Variants in PRICKLE2 observed in about 807,000 individuals in gnomAD.
PRICKLE2 encodes prickle planar cell polarity protein 2, also known as prickle-like protein 2.
A neutral mutation model predicts 81.4 loss-of-function variants in PRICKLE2; 21 were observed. The observed-to-expected ratio is 0.26, with a 90% CI of 0.18 to 0.37. PRICKLE2 has a LOEUF of 0.37. PRICKLE2 is among the 10% of genes least tolerant of loss of function. PRICKLE2 has a pLI of 1.00. For missense variants in PRICKLE2, 940 were observed against 1,109.0 expected, an observed-to-expected ratio of 0.85 and a Z score of 2.16; for synonymous variants, 456 against 421.5, an observed-to-expected ratio of 1.08 and a Z score of -1.00.
chr3:64,204,622 G>T (rs987511429), intron 1 of PRICKLE2, among the ~76,000 whole-genome samples: 3 of 149,556 alleles, frequency 2.0e-5, no homozygotes, highest in African/African-American at 7.7e-5. Context: ...AACCAAGGAG[G>T]GGGGAAGAAA....
At chr3:64,105,288 C>G (rs550803380) in intron 7 of PRICKLE2, among the ~76,000 whole-genome samples, 2 of 152,256 alleles carry the variant, frequency 1.3e-5, no homozygotes, top group Non-Finnish European at 2.9e-5. Context: ...TTTTAAACTA[C>G]TCACCCTGAC....
upstream of PRICKLE2, among the ~76,000 whole-genome samples, chr3:64,229,867 G>C (rs970210649): frequency 5.9e-5 from 9 of 152,302 alleles, no homozygotes; most frequent in African/African-American, 1.9e-4. Flanking sequence ...ATGTAAGTTG[G>C]TCTAGCATAG....
intron 2 of PRICKLE2, among the ~76,000 whole-genome samples, chr3:64,265,372 A>G (rs537425135): frequency 9.2e-5 from 14 of 152,294 alleles, no homozygotes; most frequent in Non-Finnish European, 1.9e-4. Context: ...GCTAAAAAAA[A>G]TCATTCCCTC....
chr3:64,098,531 A>G lies in PRICKLE2; in HGVS notation c.*520T>C, dbSNP rs1011326979. 1 of 156,102 alleles carries G rather than the reference A, an allele frequency of 6.4e-6. No individual in the cohort carries two copies. The highest frequency in any genetic ancestry group is 1.4e-5 in the Non-Finnish European group (1 of 70,192). 9.7% of individuals were successfully genotyped at this position (156,102 alleles called of 1,614,324 possible). On this transcript the variant is annotated 3_prime_UTR_variant, in exon 8 of 8. Transcript: ENST00000638394. Reference sequence around the variant, plus strand: ...CCACATTTCAATACTACTCAGAGACAATGGTGGATGTGCATGCAAGTCCCC... The same window carrying G: ...CCACATTTCAATACTACTCAGAGACGATGGTGGATGTGCATGCAAGTCCCC...
intron 7 of PRICKLE2, among the ~76,000 whole-genome samples, chr3:64,130,267 T>C (rs537688936): frequency 1.8e-5 from 2 of 113,854 alleles, no homozygotes; most frequent in East Asian, 6.5e-4. Context: ...TTATGGCAAA[T>C]ACTTTTGAGT....
At chr3:64,150,325 GT>G (rs1559541501) in intron 6 of PRICKLE2, among the ~76,000 whole-genome samples, 1 of 151,962 alleles carries the variant, frequency 6.6e-6, no homozygotes, top group Non-Finnish European at 1.5e-5. Context: ...ATTTCTCTTT[GT>G]TTTGGTCTCC....
At chr3:64,168,779 A>G (rs1386110069) in intron 2 of PRICKLE2, among the ~76,000 whole-genome samples, 3 of 152,230 alleles carry the variant, frequency 2.0e-5, no homozygotes, top group African/African-American at 7.2e-5. Flanking sequence ...ACCCAGATAC[A>G]GTAGATTCCC....
chr3:64,245,153 C>T (rs747427507), intron 2 of PRICKLE2, among the ~76,000 whole-genome samples: 10 of 151,804 alleles, frequency 6.6e-5, no homozygotes, highest in African/African-American at 9.7e-5. Context: ...AATTTTTTTT[C>T]GATTTTTCCA....
intron 7 of PRICKLE2, among the ~76,000 whole-genome samples, chr3:64,120,363 T>C: frequency 6.6e-6 from 1 of 152,214 alleles, no homozygotes; most frequent in East Asian, 1.9e-4. Flanking sequence ...TAAAATGCAC[T>C]GGTGCTTCCG....
At chr3:64,127,722 C>T (rs571892145) in intron 7 of PRICKLE2, among the ~76,000 whole-genome samples, 1 of 151,828 alleles carries the variant, frequency 6.6e-6, no homozygotes, top group Non-Finnish European at 1.5e-5. Flanking sequence ...CCTGAGCCGT[C>T]AGCCCACGGT....
chr3:64,188,312 A>G (rs776751886), intron 2 of PRICKLE2, among the ~76,000 whole-genome samples: 1 of 152,232 alleles, frequency 6.6e-6, no homozygotes, highest in Non-Finnish European at 1.5e-5. Context: ...CCAAGGTTAC[A>G]GAGTTAAGTG....
At chr3:64,230,570 T>C (rs1392361183) in intron 2 of PRICKLE2, among the ~76,000 whole-genome samples, 1 of 152,212 alleles carries the variant, frequency 6.6e-6, no homozygotes, top group Admixed American at 6.5e-5. Flanking sequence ...AAAAGAGTTA[T>C]CCTCAACAGT....
chr3:64,206,121 A>G (rs753941299), intron 1 of PRICKLE2, among the ~76,000 whole-genome samples: 10 of 152,240 alleles, frequency 6.6e-5, no homozygotes, highest in Non-Finnish European at 1.0e-4. Flanking sequence ...GAGAAACTGT[A>G]TATCTGGTTG....
intron 7 of PRICKLE2, among the ~76,000 whole-genome samples, chr3:64,108,979 T>C (rs2076800199): frequency 6.6e-6 from 1 of 152,044 alleles, no homozygotes; most frequent in Non-Finnish European, 1.5e-5. Context: ...CTCCAAACAG[T>C]GCCAAATGTC....
intron 1 of PRICKLE2, chr3:64,200,345 T>C (rs939933360): frequency 1.3e-5 from 2 of 152,260 alleles, no homozygotes; most frequent in Non-Finnish European, 2.9e-5. Flanking sequence ...TGTATAGATA[T>C]ACCACATTTT....
At chr3:64,198,379 T>A (rs923869519) in intron 2 of PRICKLE2, among the ~76,000 whole-genome samples, 1 of 152,130 alleles carries the variant, frequency 6.6e-6, no homozygotes, top group African/African-American at 2.4e-5. Context: ...CACTTCAGAT[T>A]CTGGCACTTC....
chr3:64,266,958 A>T (rs1396560281), intron 2 of PRICKLE2, among the ~76,000 whole-genome samples: 1 of 23,962 alleles, frequency 4.2e-5, no homozygotes, highest in African/African-American at 4.9e-4. Flanking sequence ...AAAAAAAAGT[A>T]AACTGACCCT....
At chr3:64,178,633 C>T (rs2078064656) in intron 2 of PRICKLE2, among the ~76,000 whole-genome samples, 1 of 152,196 alleles carries the variant, frequency 6.6e-6, no homozygotes, top group African/African-American at 2.4e-5. Context: ...ACTATGTAAA[C>T]AGGATATTAC....
At chr3:64,154,846 A>C (rs2077604040) in intron 5 of PRICKLE2, 1 of 152,128 alleles carries the variant, frequency 6.6e-6, no homozygotes, top group Admixed American at 6.5e-5. Flanking sequence ...TCACTCTTAC[A>C]ACTCAATAAT....
Sources: gnomAD v4.1 joint callset for allele counts (sites outside exome capture counted in the v4.1 genomes callset) on GRCh38, gnomAD v4.1.1 for gene constraint, MANE v1.5 for transcripts, NCBI Gene and HGNC (gene_info 2026-07-23, HGNC 2026-07-21) for gene names.